EYS: variants seen among roughly 807,000 people sequenced by gnomAD.
EYS encodes the protein EGF-like photoreceptor maintenance factor, also known as protein eyes shut homolog.
In EYS, 250 loss-of-function variants were observed where a neutral mutation model predicts 282.1. The ratio of observed to expected loss-of-function variants is 0.89; its 90% CI spans 0.80 to 0.98. EYS has a LOEUF of 0.98. Among genes scored for constraint, EYS ranks in the 50% least tolerant of loss-of-function variants. EYS has a pLI of 0.00. For missense variants in EYS, 4,016 were observed against 3,709.0 expected (o/e 1.08, Z -2.15); for synonymous variants, 1,355 against 1,282.9 (o/e 1.06, Z -1.20).
intron 41 of EYS, among the ~76,000 whole-genome samples, chr6:63,757,241 G>T (rs1046115937): frequency 6.6e-5 from 10 of 152,006 alleles, no homozygotes; most frequent in Non-Finnish European, 1.5e-5. Context: ...ATAAATGGCC[G>T]CTCTGGCAGT....
chr6:65,438,077 A>T (rs929796228), intron 5 of EYS, among the ~76,000 whole-genome samples: 8 of 139,776 alleles, frequency 5.7e-5, no homozygotes, highest in African/African-American at 2.2e-4. Context: ...TTATTGTTCA[A>T]TTCCCACCTA....
At chr6:65,460,073 A>G (rs1764774567) in intron 5 of EYS, among the ~76,000 whole-genome samples, 1 of 126,696 alleles carries the variant, frequency 7.9e-6, no homozygotes. Flanking sequence ...GTATATATGT[A>G]TACACACACA....
chr6:64,383,040 C>T (rs778132368), intron 29 of EYS, among the ~76,000 whole-genome samples: 2 of 152,128 alleles, frequency 1.3e-5, no homozygotes, highest in Non-Finnish European at 2.9e-5. Context: ...GTAATCCTAG[C>T]TATTTGGGAG....
chr6:64,974,552 C>T (rs564683810), intron 14 of EYS, among the ~76,000 whole-genome samples: 20 of 151,816 alleles, frequency 1.3e-4, no homozygotes, highest in Non-Finnish European at 2.1e-4. Flanking sequence ...CCAAAGTTTC[C>T]AAATACAATG....
At chr6:63,939,559 T>C (rs1025812673) in intron 35 of EYS, among the ~76,000 whole-genome samples, 2 of 152,146 alleles carry the variant, frequency 1.3e-5, no homozygotes, top group African/African-American at 2.4e-5. Flanking sequence ...TCATTGAATA[T>C]AAAAATATAG....
chr6:64,335,674 T>G (rs1770823573), intron 29 of EYS, among the ~76,000 whole-genome samples: 1 of 152,020 alleles, frequency 6.6e-6, no homozygotes, highest in African/African-American at 2.4e-5. Context: ...CCCGCAACAA[T>G]CAGGTTATCC....
chr6:65,345,971 A>G (rs1320527639), intron 9 of EYS, among the ~76,000 whole-genome samples: 1 of 151,852 alleles, frequency 6.6e-6, no homozygotes, highest in Non-Finnish European at 1.5e-5. Flanking sequence ...TGGAAACACG[A>G]TTAGCTGACA....
chr6:64,197,104 G>T (rs1765315384), intron 31 of EYS, among the ~76,000 whole-genome samples: 1 of 152,088 alleles, frequency 6.6e-6, no homozygotes, highest in Non-Finnish European at 1.5e-5. Context: ...AACTTGCAGA[G>T]ATTCAATAAA....
chr6:65,326,698 T>C (rs1315137462), intron 11 of EYS, among the ~76,000 whole-genome samples: 2 of 151,632 alleles, frequency 1.3e-5, no homozygotes, highest in Non-Finnish European at 3.0e-5. Context: ...TGCTATGCAA[T>C]TGAAAGCATT....
At chr6:64,905,697 A>T (rs1767807776) in intron 16 of EYS, among the ~76,000 whole-genome samples, 1 of 152,172 alleles carries the variant, frequency 6.6e-6, no homozygotes, top group Non-Finnish European at 1.5e-5. Context: ...TTTCTAACAA[A>T]TTCAGCCTTT....
At chr6:65,056,607 G>A (rs1773423498) in intron 13 of EYS, among the ~76,000 whole-genome samples, 2 of 151,792 alleles carry the variant, frequency 1.3e-5, no homozygotes, top group South Asian at 4.1e-4. Flanking sequence ...AAAAAATGAA[G>A]TCTAATATTT....
At chr6:65,064,765 A>T (rs974134608) in intron 12 of EYS, among the ~76,000 whole-genome samples, 3 of 152,008 alleles carry the variant, frequency 2.0e-5, no homozygotes, top group Non-Finnish European at 2.9e-5. Flanking sequence ...TAATACCAGA[A>T]GTGGACTTGC....
intron 2 of EYS, among the ~76,000 whole-genome samples, chr6:65,626,508 T>C (rs762132489): frequency 6.6e-6 from 1 of 152,164 alleles, no homozygotes; most frequent in African/African-American, 2.4e-5. Flanking sequence ...TATACAGGGA[T>C]AGATACAATG....
At chr6:64,032,388 C>A (rs2149830747) in intron 33 of EYS, among the ~76,000 whole-genome samples, 1 of 152,328 alleles carries the variant, frequency 6.6e-6, no homozygotes, top group South Asian at 2.1e-4. Context: ...TTGAGCACTT[C>A]TTTGTGTGCT....
intron 12 of EYS, among the ~76,000 whole-genome samples, chr6:65,059,612 C>T (rs1356925856): frequency 1.3e-5 from 2 of 151,808 alleles, no homozygotes; most frequent in Non-Finnish European, 2.9e-5. Flanking sequence ...ATATTTATAC[C>T]CCAAAGAGGC....
chr6:64,219,222 G>C (rs1267132192), intron 31 of EYS, among the ~76,000 whole-genome samples: 1 of 152,170 alleles, frequency 6.6e-6, no homozygotes, highest in Non-Finnish European at 1.5e-5. Context: ...TGGATCAAAG[G>C]GAAGGGCAGA....
At chr6:64,677,127 A>T (rs1010738999) in intron 22 of EYS, among the ~76,000 whole-genome samples, 1 of 152,164 alleles carries the variant, frequency 6.6e-6, no homozygotes, top group Non-Finnish European at 1.5e-5. Context: ...CCATTATCAC[A>T]TCTAACAATA....
In EYS at chr6:65,375,632, A is replaced by G. The variant is rs1348184625; in HGVS notation, c.1299+8754T>C. ...ATGCAAGGAAGCTAAGAACCTTGACAAAAGGATACAGGAATTGCTAACTAG... is the reference window on the plus strand; with the variant it reads ...ATGCAAGGAAGCTAAGAACCTTGACGAAAGGATACAGGAATTGCTAACTAG... On this transcript the variant is annotated intron_variant, in intron 8 of 42. Transcript: ENST00000503581. Among the ~76,000 whole-genome samples the G allele has an allele frequency of 2.6e-5, 4 of 152,080 alleles. No homozygotes were observed. The East Asian group carries it at 7.8e-4, about 30-fold the overall frequency.
intron 22 of EYS, among the ~76,000 whole-genome samples, chr6:64,721,010 TTTATATTCTC>T (rs1771560837): frequency 6.5e-4 from 10 of 15,480 alleles, no homozygotes; most frequent in Admixed American, 3.9e-3. Context: ...ATAAGGTGTT[TTTATATTCTC>T]TAAGCCAAAT....
Sources: gnomAD v4.1 joint callset for allele counts (sites outside exome capture counted in the v4.1 genomes callset) on GRCh38, gnomAD v4.1.1 for gene constraint, MANE v1.5 for transcripts, NCBI Gene and HGNC (gene_info 2026-07-23, HGNC 2026-07-21) for gene names.